Variants in ZMYND8 observed in about 807,000 individuals in gnomAD.
The protein encoded by ZMYND8 is MYND-type zinc finger-containing chromatin reader ZMYND8.
Under a neutral mutation model 140.8 loss-of-function variants are expected in ZMYND8, and 37 were observed. That is an observed-to-expected ratio of 0.26 (90% CI 0.20 to 0.35). The LOEUF (loss-of-function observed/expected upper bound fraction) is 0.35. ZMYND8 is among the 10% of genes least tolerant of loss of function. ZMYND8 has a pLI of 1.00. For missense variants in ZMYND8, 1,068 were observed against 1,570.0 expected (o/e 0.68, Z 5.40); for synonymous variants, 592 against 597.1 (o/e 0.99, Z 0.12).
At chr20:47,251,794 C>T (rs1392661693) in intron 12 of ZMYND8, among the ~76,000 whole-genome samples, 1 of 140,066 alleles carries the variant, frequency 7.1e-6, no homozygotes, top group Admixed American at 7.0e-5. Flanking sequence ...TCTGCCCGGC[C>T]GCCGCACCGT....
chr20:47,235,998 G>A (rs981235665), intron 16 of ZMYND8, among the ~76,000 whole-genome samples: 3 of 152,170 alleles, frequency 2.0e-5, no homozygotes, highest in Non-Finnish European at 2.9e-5. Flanking sequence ...CAAACCCCTG[G>A]TCAGCTGTTC....
At chr20:47,224,235 CCT>C (rs2037387424) in intron 19 of ZMYND8, 80 bp downstream of exon 19, 1 of 1,577,370 alleles carries the variant, frequency 6.3e-7, no homozygotes, top group Non-Finnish European at 8.6e-7. Context: ...GACAATTAGC[CCT>C]GAGACCCCTG....
In ZMYND8 at chr20:47,298,389, T is replaced by G. The variant is rs2077782947; in HGVS notation, c.453+340A>C. On this transcript the variant is annotated intron_variant, in intron 4 of 22. Transcript: ENST00000471951. This position sits in a 1 kb window ranked among gnomAD's most constrained non-coding sequence, Gnocchi z 5.0. Reference sequence around the variant, plus strand: ...AACATCCAAGACGGAGAAAACAGAATGAGATCTTTTCAAAATGTGTGAGCC... The same window carrying G: ...AACATCCAAGACGGAGAAAACAGAAGGAGATCTTTTCAAAATGTGTGAGCC... 1 of 985,402 alleles carries G rather than the reference T, an allele frequency of 1.0e-6. No homozygotes were observed. The highest frequency in any genetic ancestry group is 1.2e-6 in the Non-Finnish European group (1 of 829,928). The allele number at this position is 985,402 out of a possible 1,614,324, so 61.0% of individuals were successfully genotyped here.
At chr20:47,302,500 G>A (rs1013684394) in intron 3 of ZMYND8, among the ~76,000 whole-genome samples, 2 of 151,798 alleles carry the variant, frequency 1.3e-5, no homozygotes, top group Non-Finnish European at 2.9e-5. Flanking sequence ...TCCCATCCCC[G>A]AGATATCTCA....
At chr20:47,281,765 G>A (rs972117307) in intron 10 of ZMYND8, among the ~76,000 whole-genome samples, 1 of 152,114 alleles carries the variant, frequency 6.6e-6, no homozygotes, top group African/African-American at 2.4e-5. Flanking sequence ...CAGTTTCCAT[G>A]GAGGTTTAAT....
chr20:47,301,083 A>G (rs2078009017), intron 3 of ZMYND8, among the ~76,000 whole-genome samples: 1 of 151,578 alleles, frequency 6.6e-6, no homozygotes, highest in South Asian at 2.1e-4. Context: ...TTGTAAACCA[A>G]TGTTTCTAAG....
rs1017253252 is a variant in ZMYND8 at position 47,311,498 on chromosome 20, C to T, written c.86-1294G>A. Among the ~76,000 whole-genome samples, 6 of 152,194 alleles carry T rather than the reference C, an allele frequency of 3.9e-5. No individual in the cohort carries two copies. In the East Asian group the frequency reaches 5.8e-4, roughly 15 times the overall value. On this transcript the variant is annotated intron_variant, in intron 2 of 22. Coordinates refer to ENST00000471951, the MANE Select transcript of ZMYND8 (RefSeq NM_001281775.3). ...GTAAAACCAGTCCTCTGTTTGCAGA[C>T]GTCTGTTTCAAGTGCTTTGGGTACA...
intron 2 of ZMYND8, among the ~76,000 whole-genome samples, chr20:47,322,323 G>A (rs926597603): frequency 2.0e-5 from 3 of 152,034 alleles, no homozygotes; most frequent in African/African-American, 4.8e-5. Flanking sequence ...TGTGAGGATA[G>A]ACAGGGAAAT....
chr20:47,335,278 T>C (rs1352952639), intron 2 of ZMYND8, among the ~76,000 whole-genome samples: 1 of 151,826 alleles, frequency 6.6e-6, no homozygotes, highest in African/African-American at 2.4e-5. Context: ...GAGAATTGTA[T>C]GGTATGTGAA....
intron 8 of ZMYND8, among the ~76,000 whole-genome samples, 178 bp from the exon 9 acceptor site, chr20:47,283,826 C>T (rs2076757118): frequency 6.6e-6 from 1 of 152,260 alleles, no homozygotes; most frequent in East Asian, 1.9e-4. Flanking sequence ...TCCAAGCCAC[C>T]GTCCTTTCTC....
In ZMYND8 at chr20:47,308,219, G is replaced by GTT. The variant is rs1330667811; in HGVS notation, c.234+1835_234+1836dup. 1.4e-3 allele frequency among the ~76,000 whole-genome samples: 182 copies of GTT among 128,710 alleles called. 3 individuals carry two copies. The highest frequency in any genetic ancestry group is 3.8e-3 in the African/African-American group (129 of 33,634). 84.4% of individuals were successfully genotyped at this position (128,710 alleles called of 152,430 possible). A position where few individuals can be genotyped will look rare whatever the true frequency, so the allele number is the denominator to read the frequency against. On this transcript the variant is annotated intron_variant, in intron 3 of 22. Coordinates refer to ENST00000471951, the MANE Select transcript of ZMYND8 (RefSeq NM_001281775.3). The stretch of plus-strand genomic sequence containing the variant: ...CTGTGGCTACCATCTTGGACGTGAG[G>GTT]TTTTTTTTTTTTTTTTGGAGACAGA...
intron 21 of ZMYND8, among the ~76,000 whole-genome samples, chr20:47,214,159 G>A (rs1011113613): frequency 1.8e-4 from 27 of 152,190 alleles, no homozygotes; most frequent in Admixed American, 5.9e-4. Context: ...TGTCACGTGC[G>A]CTGTCACCAG....
chr20:47,292,995 T>C (rs958633239), intron 5 of ZMYND8, among the ~76,000 whole-genome samples: 2 of 149,722 alleles, frequency 1.3e-5, no homozygotes, highest in Middle Eastern at 3.2e-3. Flanking sequence ...CCCAGGAGGT[T>C]GATGCTGCAG....
chr20:47,219,660 T>C (rs879937216), intron 21 of ZMYND8, among the ~76,000 whole-genome samples: 1 of 152,014 alleles, frequency 6.6e-6, no homozygotes, highest in Non-Finnish European at 1.5e-5. Flanking sequence ...CAAAACTGCT[T>C]TAAGAAAGTG....
intron 2 of ZMYND8, among the ~76,000 whole-genome samples, chr20:47,316,916 C>T (rs116525366): frequency 0.016 from 2,437 of 152,262 alleles, 66 homozygotes; most frequent in African/African-American, 0.056. Context: ...CACAAAGCTA[C>T]CAAGGAGCAG....
In ZMYND8 at chr20:47,245,168, G is replaced by A. The variant is rs1006411658; in HGVS notation, c.2284+840C>T. ...ATCACCCAAATACTGTCCTACTACT[G>A]TAAGAAAATACACTTGGAGATGCCT... On this transcript the variant is annotated intron_variant, in intron 14 of 22. Transcript: ENST00000471951. Among the ~76,000 whole-genome samples, 8 of 152,170 alleles carry A rather than the reference G, an allele frequency of 5.3e-5. No homozygotes were observed. The East Asian group carries it at 1.3e-3, about 26-fold the overall frequency.
At chr20:47,220,058 G>A (rs537627442) in intron 21 of ZMYND8, among the ~76,000 whole-genome samples, 200 bp downstream of exon 21, 11 of 152,186 alleles carry the variant, frequency 7.2e-5, no homozygotes, top group Non-Finnish European at 5.9e-5. Flanking sequence ...AGGTAATACC[G>A]ATCAGCTTGA....
chr20:47,241,878 C>T (rs995142294), intron 14 of ZMYND8, among the ~76,000 whole-genome samples: 3 of 147,374 alleles, frequency 2.0e-5, no homozygotes, highest in Non-Finnish European at 4.5e-5. Context: ...AGTGCAGTGG[C>T]GCGATCTCGG....
rs533084258 is a variant in ZMYND8, at chr20:47,294,627, G to A, written c.567+39C>T. On this transcript the variant is annotated intron_variant, in intron 5 of 22. Coordinates refer to ENST00000471951, the MANE Select transcript of ZMYND8 (RefSeq NM_001281775.3). ...AACAGAACAAAACATATGTCATTAC[G>A]TTCATTTACGCGTATACCAAGAGGA... 6.5e-5 allele frequency: 102 copies of A among 1,573,838 alleles called. 4 individuals are homozygous for A. The South Asian group carries it at 1.0e-3, about 16-fold the overall frequency.
Sources: allele counts gnomAD v4.1 joint callset (sites outside exome capture counted in the v4.1 genomes callset), GRCh38; gene constraint gnomAD v4.1.1; non-coding constraint Gnocchi (gnomAD v3.1); transcripts MANE v1.5; gene names NCBI Gene and HGNC (gene_info 2026-07-23, HGNC 2026-07-21).